Variants in GNL2 observed in about 807,000 individuals in gnomAD.
GNL2 encodes nucleolar GTP-binding protein 2.
GNL2 carries 51 observed loss-of-function variants against 92.3 expected under a neutral mutation model. The ratio of observed to expected loss-of-function variants is 0.55; its 90% CI spans 0.44 to 0.70. GNL2 has a LOEUF of 0.70. Ranked by LOEUF, GNL2 falls within the 30% of genes least tolerant of loss-of-function variation. The probability of loss-of-function intolerance (pLI) is 0.00; values close to 1 mark genes in which losing one functional copy is unlikely to be tolerated. For synonymous variants in GNL2, 283 were observed against 300.6 expected (o/e 0.94, Z 0.61); for missense variants, 844 against 895.6 (o/e 0.94, Z 0.74).
intron 8 of GNL2, chr1:37,581,200 A>T: frequency 2.7e-6 from 1 of 365,510 alleles, no homozygotes; most frequent in African/African-American, 2.1e-5. Flanking sequence ...ATGTACTAAA[A>T]ATATGGAGGA....
In GNL2 at chr1:37,568,353, A is replaced by C. The variant is rs777892437; in HGVS notation, c.1873T>G (p.Ser625Ala). The change falls in exon 14 of 16, where the codon TCC (serine) becomes GCC (alanine). Residue 625 changes from serine to alanine, a missense_variant. Physicochemically the swap from Ser to Ala is moderately conservative, Grantham distance 99 (BLOSUM62 1). Coordinates refer to ENST00000373062, the MANE Select transcript of GNL2 (RefSeq NM_013285.3). Reference protein sequence around the residue: ...KAKKFSAVRISKGLSEKIFAK... With the variant: ...KAKKFSAVRIAKGLSEKIFAK... ...AATATCTTTTCACTCAGTCCCTTGG[A>C]TATTCTGAAACAGAAAAGCAAAGTA... is the stretch of plus-strand genomic sequence containing the variant. 6.2e-7 allele frequency: 1 copy of C among 1,602,846 alleles called. No individual in the cohort carries two copies. The highest frequency in any genetic ancestry group is 2.2e-5 in the East Asian group (1 of 44,826).
At chr1:37,593,632 A>G (rs1168198956) in intron 2 of GNL2, 130 bp downstream of exon 2, 3 of 637,072 alleles carry the variant, frequency 4.7e-6, no homozygotes, top group Non-Finnish European at 8.3e-6. Flanking sequence ...ACTCACGTAC[A>G]ATTATATTTG....
intron 5 of GNL2, among the ~76,000 whole-genome samples, chr1:37,585,472 T>C (rs1643837375): frequency 6.6e-6 from 1 of 152,168 alleles, no homozygotes; most frequent in African/African-American, 2.4e-5. Context: ...AGGACCTGAA[T>C]CACAACCTAT....
chr1:37,573,051 A>T (rs749674290), intron 12 of GNL2, among the ~76,000 whole-genome samples: 1 of 152,210 alleles, frequency 6.6e-6, no homozygotes. Flanking sequence ...TACCCAGAAG[A>T]GTCTGTGGCC....
intron 5 of GNL2, among the ~76,000 whole-genome samples, 188 bp from the exon 6 acceptor site, chr1:37,584,121 C>T (rs552693159): frequency 2.0e-5 from 3 of 152,088 alleles, no homozygotes; most frequent in Non-Finnish European, 4.4e-5. Flanking sequence ...CAATGTGGCA[C>T]ATATATACAC....
chr1:37,586,253 A>T (rs1211537010), intron 5 of GNL2, among the ~76,000 whole-genome samples: 3 of 152,168 alleles, frequency 2.0e-5, no homozygotes, highest in Non-Finnish European at 4.4e-5. Flanking sequence ...CAGCCTTCTG[A>T]GTAGCTGGGA....
chr1:37,591,303 G>A (rs983255371), intron 3 of GNL2, among the ~76,000 whole-genome samples: 4 of 152,108 alleles, frequency 2.6e-5, no homozygotes, highest in African/African-American at 9.7e-5. Flanking sequence ...TAACCAATGA[G>A]TCCATGCAAG....
At chr1:37,573,764 CAT>C (rs1162750987) in intron 12 of GNL2, among the ~76,000 whole-genome samples, 1 of 152,232 alleles carries the variant, frequency 6.6e-6, no homozygotes, top group Non-Finnish European at 1.5e-5. Flanking sequence ...GGTCTTCTCT[CAT>C]ATGTCTACTT....
Position 37,575,652 on chromosome 1 carries a change from A to G in GNL2, c.1086T>C (p.Cys362=). ...TLMRRIFLID[C]PGVVYPSEDS... is the part of the protein sequence containing the mutation. ...CCTCAGAGGGGTAAACCACACCTGG[A>G]CAGTCAATCAGGAATATCCGACGCA... Residue 362 remains cysteine, a synonymous_variant, in exon 10 of 16, where the codon TGT becomes TGC. Transcript: ENST00000373062. This position sits in a 1 kb window ranked among gnomAD's most constrained non-coding sequence, Gnocchi z 4.1. 2 of 1,602,288 alleles carry G rather than the reference A, an allele frequency of 1.2e-6. No individual in the cohort carries two copies. The highest frequency in any genetic ancestry group is 1.7e-6 in the Non-Finnish European group (2 of 1,176,452).
chr1:37,566,919 T>C lies in GNL2; in HGVS notation c.2132A>G (p.Lys711Arg). The C allele has an allele frequency of 3.1e-6, 5 of 1,614,232 alleles. No homozygotes were observed. Among genetic ancestry groups the C allele is most frequent in the Non-Finnish European group, 4.2e-6 (5 of 1,180,030 alleles). Residue 711 changes from lysine (K) to arginine (R), a missense_variant, in exon 16 of 16, where the codon AAA becomes AGA. By Grantham distance (26) the Lys-to-Arg change is conservative (BLOSUM62 2). Transcript: ENST00000373062. ...THNVKNRNRNKKKTNDSEGQK... is the reference protein window; with the variant it reads ...THNVKNRNRNRKKTNDSEGQK... ...TCCCTCTGAGTCATTGGTCTTCTTTTTGTTCCTGTTCCTATTTTTCACGTT... is the reference window on the plus strand; with the variant it reads ...TCCCTCTGAGTCATTGGTCTTCTTTCTGTTCCTGTTCCTATTTTTCACGTT...
chr1:37,582,224 T>C lies in GNL2; in HGVS notation c.908A>G (p.Lys303Arg), dbSNP rs780160594. The stretch of plus-strand genomic sequence containing the variant: ...GAGAAACAGATCAGGGCTCAATACC[T>C]TTCCAAACTGCCGCAGAAGCTGAAT... ...AFIQLLRQFG[K>R]LHTDKKQISV... Residue 303 changes from lysine (K) to arginine (R), a missense_variant and splice_region_variant, in exon 8 of 16, where the codon AAG (lysine) becomes AGG (arginine). Transcript: ENST00000373062. 18 of 1,602,328 alleles carry C rather than the reference T, an allele frequency of 1.1e-5. No homozygotes were observed. Among genetic ancestry groups the C allele is most frequent in the Non-Finnish European group, 1.5e-5 (18 of 1,170,912 alleles).
intron 5 of GNL2, among the ~76,000 whole-genome samples, 185 bp downstream of exon 5, chr1:37,587,126 G>T (rs890895028): frequency 1.3e-5 from 2 of 152,038 alleles, no homozygotes; most frequent in African/African-American, 4.8e-5. Context: ...AATTAGCCAG[G>T]CATGGAGGCA....
rs775991024 is a variant in GNL2 at position 37,582,269 on chromosome 1, G to A, written c.863C>T (p.Pro288Leu). The A allele has an allele frequency of 2.0e-5, 33 of 1,612,802 alleles. No homozygotes were observed. Among genetic ancestry groups the A allele is most frequent in the Middle Eastern group, 1.6e-4 (1 of 6,080 alleles). ...TLAFHASLTNPFGKGAFIQLL... is the reference protein window; with the variant it reads ...TLAFHASLTNLFGKGAFIQLL... ...CTGAATGAATGCTCCCTTGCCAAAC[G>A]GGTTAGTAAGGCTTGCATGGAAAGC... Residue 288 changes from proline to leucine, a missense_variant, in exon 8 of 16, where the codon CCG becomes CTG. Physicochemically the swap from Pro to Leu is moderately conservative, Grantham distance 98. Coordinates refer to ENST00000373062, the MANE Select transcript of GNL2 (RefSeq NM_013285.3).
At chr1:37,567,051 AC>A (rs1324878959) in intron 15 of GNL2, 44 bp from the exon 16 acceptor site, 3 of 1,590,214 alleles carry the variant, frequency 1.9e-6, no homozygotes, top group Non-Finnish European at 2.6e-6. Context: ...AAACAACAAA[AC>A]CCTGAAAGTC....
Position 37,567,731 on chromosome 1 carries a change from T to C in GNL2, c.1985A>G (p.Gln662Arg). 1 of 1,613,972 alleles carries C rather than the reference T, an allele frequency of 6.2e-7. No individual in the cohort carries two copies. Among genetic ancestry groups the C allele is most frequent in the Non-Finnish European group, 8.5e-7 (1 of 1,179,808 alleles). ...PSKKGKKRKAQREEEQEHSNK... is the reference protein window; with the variant it reads ...PSKKGKKRKARREEEQEHSNK... Reference sequence around the variant, plus strand: ...TGAATGTTCCTGTTCCTCTTCCCTTTGTGCCTTCCGCTTCTTTCCCTTTTT... The same window carrying C: ...TGAATGTTCCTGTTCCTCTTCCCTTCGTGCCTTCCGCTTCTTTCCCTTTTT... Residue 662 changes from glutamine (Q) to arginine (R), a missense_variant, in exon 15 of 16, where the codon CAA becomes CGA. Transcript: ENST00000373062.
At chr1:37,573,798 C>G (rs1643632609) in intron 12 of GNL2, among the ~76,000 whole-genome samples, 1 of 152,070 alleles carries the variant, frequency 6.6e-6, no homozygotes, top group African/African-American at 2.4e-5. Context: ...AATGCACCCC[C>G]TAGCAAGGCC....
At chr1:37,587,521 A>T (rs1228423088) in intron 4 of GNL2, 26 bp from the exon 5 acceptor site, 1 of 1,500,684 alleles carries the variant, frequency 6.7e-7, no homozygotes, top group African/African-American at 1.4e-5. Flanking sequence ...AATAACAGGT[A>T]AAACTAAGAA....
chr1:37,589,737 A>G (rs1643876803), intron 4 of GNL2, among the ~76,000 whole-genome samples: 1 of 152,206 alleles, frequency 6.6e-6, no homozygotes, highest in African/African-American at 2.4e-5. Context: ...CAAACAACAG[A>G]TTCTTTCTTT....
chr1:37,581,080 C>G (rs1015692141), intron 8 of GNL2, among the ~76,000 whole-genome samples: 6 of 152,086 alleles, frequency 3.9e-5, no homozygotes, highest in African/African-American at 1.4e-4. Context: ...GAAGTACATA[C>G]AGAGAGAGGA....
Sources: allele counts gnomAD v4.1 joint callset (sites outside exome capture counted in the v4.1 genomes callset), GRCh38; gene constraint gnomAD v4.1.1; non-coding constraint Gnocchi (gnomAD v3.1); transcripts MANE v1.5; gene names NCBI Gene and HGNC (gene_info 2026-07-23, HGNC 2026-07-21).